The following NLN variants were observed in gnomAD, a reference collection of about 807,000 sequenced individuals.
NLN encodes the protein neurolysin.
NLN carries 64 observed loss-of-function variants against 79.9 expected under a neutral mutation model. The observed-to-expected ratio is 0.80, with a 90% CI of 0.65 to 0.99. The LOEUF (loss-of-function observed/expected upper bound fraction) is 0.99. Among genes scored for constraint, NLN ranks in the 50% least tolerant of loss-of-function variants. The pLI is 0.00. For missense variants in NLN, 835 were observed against 858.7 expected, an observed-to-expected ratio of 0.97 and a Z score of 0.34; for synonymous variants, 267 against 296.6, an observed-to-expected ratio of 0.90 and a Z score of 1.02.
At chr5:65,777,630 C>T in intron 4 of NLN, 96 bp downstream of exon 4, 2 of 782,570 alleles carry the variant, frequency 2.6e-6, no homozygotes, top group Non-Finnish European at 4.1e-6. Context: ...CCAAAATGCT[C>T]CACAGTCTGC....
intron 9 of NLN, among the ~76,000 whole-genome samples, chr5:65,807,745 A>G (rs1401705561): frequency 6.6e-6 from 1 of 152,178 alleles, no homozygotes; most frequent in Non-Finnish European, 1.5e-5. Flanking sequence ...AGCCATGTAC[A>G]TTGTTTTTTA....
chr5:65,769,030 G>A (rs1017171043), intron 3 of NLN, among the ~76,000 whole-genome samples: 2 of 152,214 alleles, frequency 1.3e-5, no homozygotes, highest in African/African-American at 4.8e-5. Flanking sequence ...ACAGTGTGGT[G>A]GTATCAGGAT....
chr5:65,780,054 G>A (rs1425893962), intron 4 of NLN, 125 bp from the exon 5 acceptor site: 5 of 572,834 alleles, frequency 8.7e-6, no homozygotes, highest in African/African-American at 8.0e-5. Flanking sequence ...TTGGACTCTT[G>A]ACCTCAAATG....
intron 9 of NLN, among the ~76,000 whole-genome samples, chr5:65,796,863 G>A (rs1001906636): frequency 1.2e-4 from 19 of 152,206 alleles, no homozygotes; most frequent in African/African-American, 4.3e-4. Context: ...CAGTACATTG[G>A]TTTTAAGAAA....
chr5:65,757,454 AC>A (rs1314734685), intron 1 of NLN, among the ~76,000 whole-genome samples: 1 of 152,192 alleles, frequency 6.6e-6, no homozygotes, highest in Non-Finnish European at 1.5e-5. Flanking sequence ...AATGAGACTA[AC>A]CACAGTATAT....
intron 3 of NLN, 24 bp downstream of exon 3, chr5:65,763,132 T>G (rs183725579): frequency 1.3e-6 from 2 of 1,596,030 alleles, no homozygotes; most frequent in African/African-American, 1.3e-5. Flanking sequence ...TAAATCCCTT[T>G]AAAGAGGGAA....
chr5:65,779,376 G>A lies in NLN; in HGVS notation c.559-803G>A, dbSNP rs1221012763. 4.0e-5 allele frequency among the ~76,000 whole-genome samples: 6 copies of A among 151,178 alleles called. No individual in the cohort carries two copies. The East Asian group carries it at 7.7e-4, about 19-fold the overall frequency. On this transcript the variant is annotated intron_variant, in intron 4 of 12. Transcript: ENST00000380985. ...AAAATTGTATCTTTTTTTTTTTCTGGTGGTTTCCTTCTTATTGCTTCATTT... is the reference window on the plus strand; with the variant it reads ...AAAATTGTATCTTTTTTTTTTTCTGATGGTTTCCTTCTTATTGCTTCATTT...
intron 3 of NLN, among the ~76,000 whole-genome samples, chr5:65,774,731 T>G (rs61126294): frequency 7.9e-6 from 1 of 125,994 alleles, no homozygotes; most frequent in Non-Finnish European, 1.7e-5. Context: ...ATATATATAT[T>G]TTTTTTTTTT....
intron 1 of NLN, among the ~76,000 whole-genome samples, chr5:65,757,740 TGGCATA>T (rs1265199862): frequency 6.6e-6 from 1 of 152,158 alleles, no homozygotes; most frequent in Non-Finnish European, 1.5e-5. Context: ...TTTAGGATAA[TGGCATA>T]GCTATCCCAG....
intron 9 of NLN, among the ~76,000 whole-genome samples, chr5:65,808,019 T>TA (rs1760454723): frequency 3.9e-5 from 6 of 152,210 alleles, no homozygotes; most frequent in Admixed American, 3.9e-4. Flanking sequence ...TCATATACCA[T>TA]AATGAGATAA....
At chr5:65,821,714 G>T (rs1484708305) in intron 12 of NLN, among the ~76,000 whole-genome samples, 1 of 152,098 alleles carries the variant, frequency 6.6e-6, no homozygotes, top group East Asian at 1.9e-4. Flanking sequence ...TTACATGTTG[G>T]CCTATAGATG....
chr5:65,792,113 C>T (rs1028892763), intron 8 of NLN, among the ~76,000 whole-genome samples: 20 of 152,106 alleles, frequency 1.3e-4, no homozygotes, highest in African/African-American at 4.1e-4. Flanking sequence ...TGGGTTTCAG[C>T]ATTGTTTAGT....
intron 1 of NLN, chr5:65,733,618 G>T: frequency 6.7e-7 from 1 of 1,497,292 alleles, no homozygotes; most frequent in Non-Finnish European, 9.2e-7. Context: ...TGTGGCTCAT[G>T]GCCATCTGAG....
chr5:65,801,271 A>AT lies in NLN; in HGVS notation c.1528-8243dup. ...CTTCAAATTGTTTGCATTGATAACTATATGAAGTACTTTTTTAGGGTTCTT... is the reference window on the plus strand; with the variant it reads ...CTTCAAATTGTTTGCATTGATAACTATTATGAAGTACTTTTTTAGGGTTCTT... On this transcript the variant is annotated intron_variant, in intron 9 of 12. Coordinates refer to ENST00000380985, the MANE Select transcript of NLN (RefSeq NM_020726.5). Among the ~76,000 whole-genome samples the AT allele has an allele frequency of 1.3e-5, 2 of 152,350 alleles. 1 individual carries two copies. The highest frequency in any genetic ancestry group is 4.1e-4 in the South Asian group (2 of 4,830).
chr5:65,814,372 G>C (rs890539133), intron 12 of NLN, among the ~76,000 whole-genome samples: 9 of 152,046 alleles, frequency 5.9e-5, no homozygotes, highest in African/African-American at 2.2e-4. Flanking sequence ...TGTTAGACAA[G>C]TTTATGTGTT....
At position 65,739,321 on chromosome 5, in the gene NLN, G is replaced by A. The variant is rs549719798; in HGVS notation, c.41+16907G>A. Among the ~76,000 whole-genome samples the A allele has an allele frequency of 2.4e-3, 365 of 152,030 alleles. 2 individuals are homozygous for A. The highest frequency in any genetic ancestry group is 8.2e-3 in the African/African-American group (339 of 41,458). ...TATTTCAGTTAACACTTTCCACCAG[G>A]TTCATCCATGTTGTCACAAATGACA... On this transcript the variant is annotated intron_variant, in intron 1 of 12. Transcript: ENST00000380985.
At chr5:65,818,491 C>T (rs192523665) in intron 12 of NLN, among the ~76,000 whole-genome samples, 1 of 152,214 alleles carries the variant, frequency 6.6e-6, no homozygotes, top group East Asian at 1.9e-4. Context: ...GTAAGGTTTC[C>T]AGAAGACCTC....
At chr5:65,787,969 G>A (rs6862886) in intron 7 of NLN, 149 bp from the exon 8 acceptor site, 3 of 729,324 alleles carry the variant, frequency 4.1e-6, no homozygotes, top group South Asian at 1.9e-5. Context: ...CCTCCCTCAC[G>A]TTTTTCCTCC....
rs769634832 is a variant in NLN, at chr5:65,785,918, C to CT, written c.958+20dup. ...GCGTAACAGCCTTTCTAGGTTAGTTCTTTTTTTTTTTTCTATGACTGTTTT... is the reference window on the plus strand; with the variant it reads ...GCGTAACAGCCTTTCTAGGTTAGTTCTTTTTTTTTTTTTCTATGACTGTTTT... On this transcript the variant is annotated intron_variant, in intron 7 of 12. Coordinates refer to ENST00000380985, the MANE Select transcript of NLN (RefSeq NM_020726.5). The CT allele has an allele frequency of 0.064, 67,767 of 1,065,364 alleles. No homozygotes were observed. The highest frequency in any genetic ancestry group is 0.072 in the South Asian group (4,312 of 59,824). The allele number at this position is 1,065,364 out of a possible 1,614,324, so 66.0% of individuals were successfully genotyped here.
Sources: allele counts gnomAD v4.1 joint callset (sites outside exome capture counted in the v4.1 genomes callset), GRCh38; gene constraint gnomAD v4.1.1; transcripts MANE v1.5; gene names NCBI Gene and HGNC (gene_info 2026-07-23, HGNC 2026-07-21).